Variants in CSMD2 observed in about 807,000 individuals in gnomAD.
CSMD2 encodes CUB and Sushi multiple domains 2.
Under a neutral mutation model 398.5 loss-of-function variants are expected in CSMD2, and 130 were observed. The ratio of observed to expected loss-of-function variants is 0.33; its 90% confidence interval spans 0.28 to 0.38. The LOEUF is 0.38. Among genes scored for constraint, CSMD2 ranks in the 10% least tolerant of loss-of-function variants. CSMD2 has a pLI of 1.00. For synonymous variants in CSMD2, 1,828 were observed against 1,908.5 expected, an observed-to-expected ratio of 0.96 and a Z score of 1.10; for missense variants, 3,829 against 4,764.9, an observed-to-expected ratio of 0.80 and a Z score of 5.78.
intron 3 of CSMD2, among the ~76,000 whole-genome samples, chr1:34,012,184 G>T (rs1198617303): frequency 1.3e-5 from 2 of 152,038 alleles, no homozygotes; most frequent in Non-Finnish European, 2.9e-5. Flanking sequence ...AGCCACCCAG[G>T]ACTCCTTGCT....
At chr1:33,785,698 C>T (rs1299114117) in intron 12 of CSMD2, among the ~76,000 whole-genome samples, 1 of 152,198 alleles carries the variant, frequency 6.6e-6, no homozygotes, top group Non-Finnish European at 1.5e-5. Flanking sequence ...CCCTATCCTA[C>T]CATGGAGGTC....
intron 5 of CSMD2, among the ~76,000 whole-genome samples, chr1:33,916,077 T>C (rs533755129): frequency 6.6e-6 from 1 of 152,304 alleles, no homozygotes; most frequent in African/African-American, 2.4e-5. Context: ...CTGGCACATA[T>C]TGGTAGTAAA....
chr1:33,885,114 C>T (rs1298820259), intron 5 of CSMD2: 1 of 149,438 alleles, frequency 6.7e-6, no homozygotes, highest in African/African-American at 2.5e-5. Flanking sequence ...AGATGAAGAA[C>T]CAGAGACCAG....
chr1:34,127,675 T>A (rs2148487800), intron 1 of CSMD2, among the ~76,000 whole-genome samples: 1 of 152,234 alleles, frequency 6.6e-6, no homozygotes, highest in South Asian at 2.1e-4. Flanking sequence ...GCTGACCAGG[T>A]GGCCGATAGA....
At chr1:33,982,425 A>T (rs556902970) in intron 3 of CSMD2, among the ~76,000 whole-genome samples, 33 of 152,292 alleles carry the variant, frequency 2.2e-4, no homozygotes, top group Non-Finnish European at 4.3e-4. Context: ...GTCCTTGAGA[A>T]AGCCATTTAA....
chr1:33,854,337 G>C (rs1638921540), intron 5 of CSMD2, among the ~76,000 whole-genome samples: 2 of 152,242 alleles, frequency 1.3e-5, no homozygotes, highest in African/African-American at 4.8e-5. Flanking sequence ...TCACTCAGTG[G>C]AAGAAGGGAT....
At chr1:34,001,427 A>G (rs1646897247) in intron 3 of CSMD2, among the ~76,000 whole-genome samples, 1 of 152,238 alleles carries the variant, frequency 6.6e-6, no homozygotes, top group Non-Finnish European at 1.5e-5. Flanking sequence ...ACATCTAGGC[A>G]GAAACACCAA....
At chr1:33,916,136 C>A (rs1340862886) in intron 5 of CSMD2, among the ~76,000 whole-genome samples, 1 of 152,100 alleles carries the variant, frequency 6.6e-6, no homozygotes, top group Non-Finnish European at 1.5e-5. Context: ...TTGGAGGCAT[C>A]TGTGATGGTA....
chr1:33,935,866 G>A lies in CSMD2; in HGVS notation c.606C>T (p.Arg202=). 1 of 1,614,224 alleles carries A rather than the reference G, an allele frequency of 6.2e-7. No homozygotes were observed. Among genetic ancestry groups the A allele is most frequent in the Non-Finnish European group, 8.5e-7 (1 of 1,180,014 alleles). ...GGAAGAAGCCAAGGTTGCAGCTGTAGCGGACCTTGTCACCGAGGTTGAAGG... is the reference window on the plus strand; with the variant it reads ...GGAAGAAGCCAAGGTTGCAGCTGTAACGGACCTTGTCACCGAGGTTGAAGG... ...GSTFNLGDKV[R]YSCNLGFFLE... Residue 202 remains arginine (R), a synonymous_variant, in exon 4 of 71, where the codon CGC becomes CGT. Transcript: ENST00000373381.
chr1:33,774,270 T>C (rs531903709), intron 12 of CSMD2, among the ~76,000 whole-genome samples: 3 of 152,046 alleles, frequency 2.0e-5, no homozygotes, highest in Non-Finnish European at 4.4e-5. Context: ...TCACCTCACA[T>C]GTCCCCCTGG....
rs9919134 is a variant in CSMD2, at chr1:34,136,748, T to C, written c.187+28163A>G. Among the ~76,000 whole-genome samples the C allele has an allele frequency of 1.8e-3, 270 of 152,346 alleles. 1 individual carries two copies. The highest frequency in any genetic ancestry group is 6.1e-3 in the African/African-American group (254 of 41,582). ...TAAATTATGAAAACTCCGATCCATCTATTATTCAATCATCCTTCCATCTAC... is the reference window on the plus strand; with the variant it reads ...TAAATTATGAAAACTCCGATCCATCCATTATTCAATCATCCTTCCATCTAC... On this transcript the variant is annotated intron_variant, in intron 1 of 70. Transcript: ENST00000373381.
intron 1 of CSMD2, among the ~76,000 whole-genome samples, chr1:34,140,906 C>A (rs866918959): frequency 6.6e-6 from 1 of 152,094 alleles, no homozygotes; most frequent in African/African-American, 2.4e-5. Flanking sequence ...TCCCACTGAA[C>A]AGCCTTTCCC....
Position 33,550,339 on chromosome 1 carries a change from C to G in CSMD2, c.8755G>C (p.Gly2919Arg), listed in dbSNP as rs754800023. The change falls in exon 56 of 71, where the codon GGC becomes CGC. Residue 2919 changes from glycine to arginine, a missense_variant. Gly to Arg is a moderately radical substitution (Grantham distance 125). Coordinates refer to ENST00000373381, the MANE Select transcript of CSMD2 (RefSeq NM_001281956.2). ...PRPQCLLVSC[G>R]HPGSPPHSQM... ...GAGTGAGGCGGGGAGCCCGGATGGC[C>G]ACAGGACACCACTGTGGGGGAAAAG... is the stretch of plus-strand genomic sequence containing the variant. The G allele has an allele frequency of 3.0e-5, 49 of 1,613,664 alleles. No homozygotes were observed. The South Asian group carries it at 5.4e-4, about 18-fold the overall frequency.
chr1:34,028,717 G>C (rs1219501689), intron 3 of CSMD2, among the ~76,000 whole-genome samples: 1 of 148,938 alleles, frequency 6.7e-6, no homozygotes, highest in African/African-American at 2.4e-5. Flanking sequence ...CAGGGTTGTG[G>C]TGGGGGATTA....
chr1:33,571,722 C>T lies in CSMD2; in HGVS notation c.7767G>A (p.Val2589=), dbSNP rs751772575. 5.4e-6 allele frequency: 8 copies of T among 1,481,650 alleles called. No individual in the cohort carries two copies. The Admixed American group carries it at 1.2e-4, about 22-fold the overall frequency. The allele number at this position is 1,481,650 out of a possible 1,614,324, so 91.8% of individuals were successfully genotyped here. A position where few individuals can be genotyped will look rare whatever the true frequency, so the allele number is the denominator to read the frequency against. Residue 2589 remains valine (V), a synonymous_variant, in exon 51 of 71, where the codon GTG becomes GTA. Coordinates refer to ENST00000373381, the MANE Select transcript of CSMD2 (RefSeq NM_001281956.2). Reference sequence around the variant, plus strand: ...TGATGCTACTGACATCAGGACAAGTCACAGCTGGGGAAATGAGGAAAAGAA... The same window carrying T: ...TGATGCTACTGACATCAGGACAAGTTACAGCTGGGGAAATGAGGAAAAGAA... ...NRNVPPQCVP[V]TCPDVSSISV...
chr1:33,916,908 G>A (rs1643750536), intron 5 of CSMD2, among the ~76,000 whole-genome samples: 1 of 152,118 alleles, frequency 6.6e-6, no homozygotes, highest in Non-Finnish European at 1.5e-5. Flanking sequence ...CAGGGAAGGT[G>A]TGCAATAAAC....
chr1:33,757,022 C>G (rs201764751), intron 13 of CSMD2, among the ~76,000 whole-genome samples: 1 of 151,774 alleles, frequency 6.6e-6, no homozygotes, highest in Non-Finnish European at 1.5e-5. Flanking sequence ...ATGGATGAAA[C>G]TGGAAATCAT....
Position 33,519,780 on chromosome 1 carries a change from G to T in CSMD2, c.10736+32C>A, listed in dbSNP as rs1357277137. The T allele has an allele frequency of 6.2e-7, 1 of 1,613,168 alleles. No homozygotes were observed. On this transcript the variant is annotated intron_variant, in intron 69 of 70. Coordinates refer to ENST00000373381, the MANE Select transcript of CSMD2 (RefSeq NM_001281956.2). This position sits in a 1 kb window ranked among gnomAD's most constrained non-coding sequence, Gnocchi z 5.6. ...TGGAGGGAGAGAGGGAGGCCTGCCT[G>T]ATGCCCGCCCTGCCTCCTTCCTGCA...
chr1:33,704,408 A>C (rs1280097939), intron 22 of CSMD2, among the ~76,000 whole-genome samples: 1 of 152,126 alleles, frequency 6.6e-6, no homozygotes, highest in Non-Finnish European at 1.5e-5. Flanking sequence ...TTTACTGAAA[A>C]TCTTTAGGAA....
Sources: gnomAD v4.1 joint callset for allele counts (sites outside exome capture counted in the v4.1 genomes callset) on GRCh38, gnomAD v4.1.1 for gene constraint, Gnocchi (gnomAD v3.1) non-coding constraint, MANE v1.5 for transcripts, NCBI Gene and HGNC (gene_info 2026-07-23, HGNC 2026-07-21) for gene names.